GMDS: variants seen among roughly 807,000 people sequenced by gnomAD.
GMDS encodes the protein GDP-mannose 4,6 dehydratase.
In GMDS, 20 loss-of-function variants were observed where a neutral mutation model predicts 49.9. That is an observed-to-expected ratio of 0.40 (90% CI 0.28 to 0.58). The LOEUF (loss-of-function observed/expected upper bound fraction) is 0.58. GMDS is among the 20% of genes least tolerant of loss of function. The pLI, the probability that GMDS is intolerant of heterozygous loss-of-function variation, is 0.42. For missense variants in GMDS, 362 were observed against 481.4 expected, an observed-to-expected ratio of 0.75 and a Z score of 2.32; for synonymous variants, 177 against 178.6, an observed-to-expected ratio of 0.99 and a Z score of 0.07.
chr6:2,163,199 T>C (rs535774678), intron 1 of GMDS, among the ~76,000 whole-genome samples: 9 of 152,248 alleles, frequency 5.9e-5, no homozygotes, highest in Non-Finnish European at 1.2e-4. Context: ...GAACAGGGAC[T>C]ATAAAAATTG....
In GMDS at chr6:1,930,200, C is replaced by T. The variant is rs779902005; in HGVS notation, c.674G>A (p.Arg225Gln). Residue 225 changes from arginine (R) to glutamine (Q), a missense_variant, in exon 7 of 11, where the codon CGG (arginine) becomes CAG (glutamine). By Grantham distance (43) the Arg-to-Gln change is conservative. Transcript: ENST00000380815. The stretch of plus-strand genomic sequence containing the variant: ...TCCAAGGTAAATCTTAGCTACTGAC[C>T]GGCTAATTTTTCGAGTAACGAAATT... ...GANFVTRKIS[R>Q]SVAKIYLGQL... 8.7e-6 allele frequency: 14 copies of T among 1,612,142 alleles called. No individual in the cohort carries two copies. Among genetic ancestry groups the T allele is most frequent in the African/African-American group, 2.7e-5 (2 of 74,848 alleles).
At chr6:1,937,988 A>T (rs958792538) in intron 6 of GMDS, among the ~76,000 whole-genome samples, 1 of 152,102 alleles carries the variant, frequency 6.6e-6, no homozygotes, top group African/African-American at 2.4e-5. Context: ...GCAACATAGC[A>T]AGACCCCTTC....
chr6:1,866,645 A>T (rs1053796796), intron 7 of GMDS, among the ~76,000 whole-genome samples: 2 of 152,254 alleles, frequency 1.3e-5, no homozygotes, highest in African/African-American at 4.8e-5. Flanking sequence ...AGTAGTTACA[A>T]TATAAAAGTT....
At chr6:1,711,090 T>TGCTCA (rs1765942672) in intron 9 of GMDS, among the ~76,000 whole-genome samples, 1 of 152,208 alleles carries the variant, frequency 6.6e-6, no homozygotes, top group Non-Finnish European at 1.5e-5. Context: ...ACTACATACA[T>TGCTCA]GATGTATTCT....
chr6:2,237,774 G>C (rs1249622744), intron 1 of GMDS, among the ~76,000 whole-genome samples: 2 of 152,020 alleles, frequency 1.3e-5, no homozygotes, highest in Non-Finnish European at 2.9e-5. Flanking sequence ...TACCCACCTT[G>C]GCCTCCCAAA....
chr6:1,723,241 C>G (rs551080166), intron 9 of GMDS, among the ~76,000 whole-genome samples: 11 of 151,158 alleles, frequency 7.3e-5, no homozygotes, highest in Admixed American at 5.9e-4. Context: ...TAATATAAAG[C>G]TCTATTTCCC....
intron 7 of GMDS, among the ~76,000 whole-genome samples, chr6:1,862,753 G>A (rs982869263): frequency 6.6e-6 from 1 of 152,124 alleles, no homozygotes; most frequent in Non-Finnish European, 1.5e-5. Context: ...TTCTTATTAT[G>A]TTGTGCCGGT....
At chr6:2,087,606 G>A (rs959954119) in intron 4 of GMDS, among the ~76,000 whole-genome samples, 1 of 152,140 alleles carries the variant, frequency 6.6e-6, no homozygotes, top group African/African-American at 2.4e-5. Context: ...TTTATTCTCA[G>A]TACCCAGAAA....
intron 7 of GMDS, among the ~76,000 whole-genome samples, chr6:1,781,989 C>T (rs557030881): frequency 3.3e-5 from 5 of 152,230 alleles, no homozygotes; most frequent in African/African-American, 9.6e-5. Flanking sequence ...GTTCAACAGA[C>T]TGCACAGCAA....
chr6:1,638,521 C>T (rs1429338111), intron 9 of GMDS, among the ~76,000 whole-genome samples: 1 of 145,540 alleles, frequency 6.9e-6, no homozygotes, highest in Non-Finnish European at 1.5e-5. Context: ...ACCCCCCCAA[C>T]CCCCGACACT....
intron 1 of GMDS, among the ~76,000 whole-genome samples, chr6:2,184,541 A>G (rs555458759): frequency 2.9e-4 from 44 of 152,152 alleles, no homozygotes; most frequent in African/African-American, 9.6e-4. Context: ...ATGACTTTAG[A>G]TTTCAGTTCA....
chr6:1,998,911 A>C (rs984234027), intron 4 of GMDS, among the ~76,000 whole-genome samples: 1 of 152,162 alleles, frequency 6.6e-6, no homozygotes, highest in African/African-American at 2.4e-5. Context: ...AAATTATACA[A>C]CCAATGCAAG....
chr6:1,693,420 G>C (rs949226476), intron 9 of GMDS, among the ~76,000 whole-genome samples: 6 of 152,196 alleles, frequency 3.9e-5, no homozygotes, highest in African/African-American at 1.4e-4. Flanking sequence ...AACTTGCTGG[G>C]CTCTGCCCGA....
At chr6:1,958,115 GTT>G (rs35647807) in intron 6 of GMDS, among the ~76,000 whole-genome samples, 205 of 129,380 alleles carry the variant, frequency 1.6e-3, no homozygotes, top group African/African-American at 3.2e-3. Flanking sequence ...CTTAAAATAT[GTT>G]TTTTTTTTTT....
chr6:2,150,806 A>G lies in GMDS; in HGVS notation c.103-26075T>C, dbSNP rs114759041. Among the ~76,000 whole-genome samples, 865 of 150,826 alleles carry G rather than the reference A, an allele frequency of 5.7e-3. 2 individuals are homozygous for G. Among genetic ancestry groups the G allele is most frequent in the Middle Eastern group, 0.017 (5 of 294 alleles). Reference sequence around the variant, plus strand: ...GCTGACTACCACTTCTGTTATCAACACTTCTATCTTTAATTATATGATACC... The same window carrying G: ...GCTGACTACCACTTCTGTTATCAACGCTTCTATCTTTAATTATATGATACC... On this transcript the variant is annotated intron_variant, in intron 1 of 10. Transcript: ENST00000380815.
chr6:1,676,094 C>CA (rs1450771541), intron 9 of GMDS, among the ~76,000 whole-genome samples: 1 of 152,146 alleles, frequency 6.6e-6, no homozygotes, highest in Non-Finnish European at 1.5e-5. Context: ...TCTCAGGATA[C>CA]AAAATCAATG....
intron 4 of GMDS, among the ~76,000 whole-genome samples, chr6:1,979,831 G>A (rs190367888): frequency 2.0e-5 from 3 of 152,314 alleles, no homozygotes; most frequent in East Asian, 1.9e-4. Flanking sequence ...AAGCACGTCA[G>A]ACTAACAGCA....
intron 7 of GMDS, among the ~76,000 whole-genome samples, chr6:1,768,524 C>G (rs1459794949): frequency 6.6e-6 from 1 of 152,164 alleles, no homozygotes; most frequent in Non-Finnish European, 1.5e-5. Flanking sequence ...TTTACTCATT[C>G]CTTCATGAAT....
chr6:1,738,531 A>G (rs948263018), intron 8 of GMDS, among the ~76,000 whole-genome samples: 4 of 152,232 alleles, frequency 2.6e-5, no homozygotes, highest in African/African-American at 4.8e-5. Context: ...TTTAAAAACG[A>G]TAACAAAAAT....
Sources: gnomAD v4.1 joint callset for allele counts (sites outside exome capture counted in the v4.1 genomes callset) on GRCh38, gnomAD v4.1.1 for gene constraint, MANE v1.5 for transcripts, NCBI Gene and HGNC (gene_info 2026-07-23, HGNC 2026-07-21) for gene names.